BIRC6: variants seen among roughly 807,000 people sequenced by gnomAD.
BIRC6 encodes the protein dual E2 ubiquitin-conjugating enzyme/E3 ubiquitin-protein ligase BIRC6.
BIRC6 carries 98 observed loss-of-function variants against 503.3 expected under a neutral mutation model. The ratio of observed to expected loss-of-function variants is 0.19; its 90% CI spans 0.17 to 0.23. BIRC6 has a LOEUF of 0.23. BIRC6 is among the 10% of genes least tolerant of loss of function. The probability of loss-of-function intolerance (pLI) is 1.00; values close to 1 mark genes in which losing one functional copy is unlikely to be tolerated. For missense variants in BIRC6, 5,360 were observed against 5,806.0 expected (o/e 0.92, Z 2.50); for synonymous variants, 2,240 against 2,078.7 (o/e 1.08, Z -2.11).
intron 42 of BIRC6, among the ~76,000 whole-genome samples, chr2:32,489,698 T>C (rs1425022212): frequency 6.6e-6 from 1 of 152,122 alleles, no homozygotes; most frequent in Non-Finnish European, 1.5e-5. Context: ...TTCCAGTATC[T>C]GTTACTGTTT....
chr2:32,518,752 T>G (rs2055332544), intron 56 of BIRC6, 65 bp from the exon 57 acceptor site: 6 of 1,515,766 alleles, frequency 4.0e-6, no homozygotes, highest in Non-Finnish European at 3.6e-6. Context: ...GCTTTTGAGA[T>G]TATTTTATAA....
At chr2:32,533,622 C>T (rs1464533586) in intron 61 of BIRC6, among the ~76,000 whole-genome samples, 1 of 152,156 alleles carries the variant, frequency 6.6e-6, no homozygotes, top group Non-Finnish European at 1.5e-5. Flanking sequence ...TATTCAGTCA[C>T]ATAGAGGGCT....
intron 3 of BIRC6, among the ~76,000 whole-genome samples, chr2:32,380,789 G>A (rs1002323155): frequency 6.6e-6 from 1 of 152,148 alleles, no homozygotes; most frequent in Non-Finnish European, 1.5e-5. Flanking sequence ...ACTTCAGTTT[G>A]TGGGAACTAT....
At chr2:32,450,296 G>A (rs1230408051) in intron 22 of BIRC6, among the ~76,000 whole-genome samples, 26 of 152,138 alleles carry the variant, frequency 1.7e-4, no homozygotes, top group Admixed American at 1.6e-3. Context: ...GGCTAACACG[G>A]TGAAACCCCG....
In BIRC6 at chr2:32,394,128, T is replaced by G. The variant is rs1012136278; in HGVS notation, c.952-1383T>G. On this transcript the variant is annotated intron_variant, in intron 5 of 73. Transcript: ENST00000421745. ...TTTCTTTTAATTTGGTGTAATTTTC[T>G]AAGAGTCTCTGTTAAGTGATGCCTT... 4.0e-5 allele frequency among the ~76,000 whole-genome samples: 6 copies of G among 151,602 alleles called. No homozygotes were observed. In the South Asian group the frequency reaches 1.2e-3, roughly 31 times the overall value.
In BIRC6 at chr2:32,415,405, A is replaced by G; in HGVS notation, c.2114A>G (p.Lys705Arg). 3.1e-6 allele frequency: 5 copies of G among 1,614,020 alleles called. No individual in the cohort carries two copies. The highest frequency in any genetic ancestry group is 4.2e-6 in the Non-Finnish European group (5 of 1,179,884). The change falls in exon 10 of 74, where the codon AAG becomes AGG. Residue 705 changes from lysine to arginine, a missense_variant. Physicochemically the swap from Lys to Arg is conservative, Grantham distance 26 (BLOSUM62 2). Around this residue, in one of 16 missense-constraint regions of BIRC6, gnomAD observed 700 missense variants for 739.3 expected, o/e 0.95. Coordinates refer to ENST00000421745, the MANE Select transcript of BIRC6 (RefSeq NM_016252.4). ...AANLTSPDSE[K>R]WNSVFPKPGT... ...AACCTTACCTCTCCGGATTCTGAGAAGTGGAACTCTGTGTTTCCCAAGCCT... is the reference window on the plus strand; with the variant it reads ...AACCTTACCTCTCCGGATTCTGAGAGGTGGAACTCTGTGTTTCCCAAGCCT...
At chr2:32,410,204 C>T (rs1201691226) in intron 9 of BIRC6, among the ~76,000 whole-genome samples, 1 of 152,108 alleles carries the variant, frequency 6.6e-6, no homozygotes, top group Non-Finnish European at 1.5e-5. Context: ...AGTTGGGCAT[C>T]CTCAGGATTT....
intron 3 of BIRC6, among the ~76,000 whole-genome samples, chr2:32,381,833 C>T (rs190345956): frequency 4.8e-4 from 73 of 152,194 alleles, no homozygotes; most frequent in Non-Finnish European, 7.5e-4. Flanking sequence ...TGTGAGCCAC[C>T]GTGCCTGGCC....
intron 45 of BIRC6, among the ~76,000 whole-genome samples, chr2:32,495,800 T>G (rs898637332): frequency 2.0e-5 from 3 of 149,964 alleles, no homozygotes; most frequent in Non-Finnish European, 4.4e-5. Context: ...GTTTTTTTTT[T>G]TTTTTTTTTT....
At chr2:32,615,963 A>G (rs768210749) in intron 73 of BIRC6, among the ~76,000 whole-genome samples, 1 of 152,138 alleles carries the variant, frequency 6.6e-6, no homozygotes, top group Non-Finnish European at 1.5e-5. Context: ...TGGTGTGATT[A>G]TTTAAGGTCA....
At chr2:32,487,576 A>T in intron 40 of BIRC6, 71 bp from the exon 41 acceptor site, 3 of 1,340,474 alleles carry the variant, frequency 2.2e-6, no homozygotes, top group Non-Finnish European at 3.1e-6. Flanking sequence ...ACCTATTTAT[A>T]CATATGAATA....
chr2:32,357,365 C>G lies in BIRC6; in HGVS notation c.204C>G (p.Asp68Glu). 6.5e-7 allele frequency: 1 copy of G among 1,547,158 alleles called. No individual in the cohort carries two copies. Among genetic ancestry groups the G allele is most frequent in the Non-Finnish European group, 8.7e-7 (1 of 1,146,236 alleles). Residue 68 changes from aspartate (D) to glutamate (E), a missense_variant, in exon 1 of 74, where the codon GAC (aspartate) becomes GAG (glutamate). Transcript: ENST00000421745. The surrounding 1 kb of genome is among the most constrained non-coding windows in gnomAD (Gnocchi z 4.9). ...ACGGCTGCATGCACTGCGACGCCGA[C>G]GGGCTGCACAGCCTGTCCTACCACC... ...LRDGCMHCDADGLHSLSYHPA... is the reference protein window; with the variant it reads ...LRDGCMHCDAEGLHSLSYHPA...
intron 55 of BIRC6, 33 bp from the exon 56 acceptor site, chr2:32,518,221 G>C (rs72855971): frequency 0.024 from 38,621 of 1,582,620 alleles, 739 homozygotes; most frequent in African/African-American, 0.093. Context: ...TATAAATCTT[G>C]CATTTAACTT....
intron 1 of BIRC6, among the ~76,000 whole-genome samples, chr2:32,364,921 A>G (rs933311586): frequency 3.9e-5 from 6 of 152,168 alleles, no homozygotes; most frequent in Non-Finnish European, 5.9e-5. Flanking sequence ...AAATGATTCA[A>G]AACAGTTCTA....
At chr2:32,587,519 C>T (rs1436439166) in intron 66 of BIRC6, among the ~76,000 whole-genome samples, 3 of 152,140 alleles carry the variant, frequency 2.0e-5, no homozygotes, top group Non-Finnish European at 2.9e-5. Flanking sequence ...AGGTGGATCA[C>T]TTGAGACTAG....
Position 32,357,354 on chromosome 2 carries a change from T to A in BIRC6, c.193T>A (p.Cys65Ser), listed in dbSNP as rs558894762. 1.9e-6 allele frequency: 3 copies of A among 1,545,810 alleles called. No individual in the cohort carries two copies. The highest frequency in any genetic ancestry group is 2.0e-5 in the Admixed American group (1 of 50,940). The change falls in exon 1 of 74, where the codon TGC becomes AGC. Residue 65 changes from cysteine (C) to serine (S), a missense_variant. Cys to Ser is a moderately radical substitution (Grantham distance 112). This residue lies in a region of BIRC6 where 145 missense variants were observed against 106.9 expected (regional missense o/e 1.36). Transcript: ENST00000421745. This position sits in a 1 kb window ranked among gnomAD's most constrained non-coding sequence, Gnocchi z 4.9. The stretch of plus-strand genomic sequence containing the variant: ...GGTGCTGCGGGACGGCTGCATGCAC[T>A]GCGACGCCGACGGGCTGCACAGCCT... ...WLVLRDGCMH[C>S]DADGLHSLSY...
intron 71 of BIRC6, among the ~76,000 whole-genome samples, chr2:32,607,048 C>T (rs2062512844): frequency 6.7e-6 from 1 of 150,242 alleles, no homozygotes; most frequent in South Asian, 2.1e-4. Context: ...TAGTTTTATG[C>T]TCCTTAAGAA....
chr2:32,508,289 T>C, intron 51 of BIRC6, 30 bp downstream of exon 51: 2 of 1,445,448 alleles, frequency 1.4e-6, no homozygotes, highest in Non-Finnish European at 1.8e-6. Context: ...TTTTTTTTTT[T>C]TTTTTTTTTT....
intron 23 of BIRC6, among the ~76,000 whole-genome samples, chr2:32,458,329 C>A (rs2047467845): frequency 6.6e-6 from 1 of 152,144 alleles, no homozygotes; most frequent in African/African-American, 2.4e-5. Context: ...GAAGTTTTAG[C>A]TGATACCTTT....
Sources: gnomAD v4.1 joint callset for allele counts (sites outside exome capture counted in the v4.1 genomes callset) on GRCh38, gnomAD v4.1.1 for gene constraint, gnomAD v4.1.1 regional missense constraint, Gnocchi (gnomAD v3.1) non-coding constraint, MANE v1.5 for transcripts, NCBI Gene and HGNC (gene_info 2026-07-23, HGNC 2026-07-21) for gene names.